SPHKAP: variants seen among roughly 807,000 people sequenced by gnomAD.
SPHKAP encodes the protein A-kinase anchor protein SPHKAP.
A neutral mutation model predicts 137.5 loss-of-function variants in SPHKAP; 67 were observed. The ratio of observed to expected loss-of-function variants is 0.49; its 90% CI spans 0.40 to 0.60. SPHKAP has a LOEUF of 0.60. SPHKAP is among the 20% of genes least tolerant of loss of function. The pLI is 0.00. For synonymous variants in SPHKAP, 813 were observed against 785.3 expected (o/e 1.04, Z -0.59); for missense variants, 2,097 against 2,069.3 (o/e 1.01, Z -0.26).
chr2:227,993,799 C>T (rs1046058524), intron 8 of SPHKAP, among the ~76,000 whole-genome samples, 179 bp from the exon 9 acceptor site: 2 of 152,082 alleles, frequency 1.3e-5, no homozygotes, highest in Admixed American at 1.3e-4. Flanking sequence ...CATAATGAGA[C>T]ATAGGCCTAA....
chr2:228,107,995 T>C (rs374659710), intron 3 of SPHKAP, among the ~76,000 whole-genome samples: 2 of 152,216 alleles, frequency 1.3e-5, no homozygotes, highest in African/African-American at 4.8e-5. Context: ...CTGCTCATTA[T>C]ATATAAAAAG....
intron 1 of SPHKAP, among the ~76,000 whole-genome samples, chr2:228,162,626 T>G (rs1366023681): frequency 1.3e-5 from 2 of 152,324 alleles, no homozygotes. Flanking sequence ...AATCTGACTT[T>G]GAGAGGTAAC....
rs535747014 is a variant in SPHKAP, at chr2:228,001,745, GTGTGTGATGT to G, written c.4449-6061_4449-6052del. Among the ~76,000 whole-genome samples, 363 of 151,844 alleles carry G rather than the reference GTGTGTGATGT, an allele frequency of 2.4e-3. 2 individuals are homozygous for G. The highest frequency in any genetic ancestry group is 3.7e-3 in the Non-Finnish European group (251 of 67,962). ...TCCCCGCAGCCCACAACAGGCCCTGGTGTGTGATGTTCCCCTTCCTGTGTCCATGTGTTCT... is the reference window on the plus strand; with the variant it reads ...TCCCCGCAGCCCACAACAGGCCCTGGTCCCCTTCCTGTGTCCATGTGTTCT... On this transcript the variant is annotated intron_variant, in intron 7 of 11. Transcript: ENST00000392056.
intron 11 of SPHKAP, among the ~76,000 whole-genome samples, chr2:227,984,800 T>C (rs1693154253): frequency 6.6e-6 from 1 of 152,160 alleles, no homozygotes; most frequent in African/African-American, 2.4e-5. Flanking sequence ...AGGTTGTTGA[T>C]TTGTTTCTCG....
intron 3 of SPHKAP, among the ~76,000 whole-genome samples, chr2:228,072,405 TGAG>T (rs1435413059): frequency 7.2e-5 from 11 of 152,162 alleles, no homozygotes; most frequent in African/African-American, 2.7e-4. Context: ...CCCGAGAAGA[TGAG>T]TTTTATTCAT....
intron 1 of SPHKAP, among the ~76,000 whole-genome samples, chr2:228,156,359 C>T (rs1181321266): frequency 6.6e-6 from 1 of 152,056 alleles, no homozygotes; most frequent in African/African-American, 2.4e-5. Context: ...GTTATATGTC[C>T]CGGGCCTTCT....
rs1358837448 is a variant in SPHKAP, at chr2:227,991,053, G to T, written c.4906C>A (p.Leu1636Met). The change falls in exon 11 of 12, where the codon CTG (leucine) becomes ATG (methionine). Residue 1636 changes from leucine to methionine, a missense_variant. Transcript: ENST00000392056. ...ATLQWIAASE[L>M]GIPTIYFKKS... ...TTAAAGTAGATGGTGGGAATCCCCA[G>T]TTCAGAGGCAGCTATCCACTGCAGA... 2 of 1,614,178 alleles carry T rather than the reference G, an allele frequency of 1.2e-6. No individual in the cohort carries two copies. The highest frequency in any genetic ancestry group is 1.7e-6 in the Non-Finnish European group (2 of 1,180,020).
chr2:228,080,256 A>C (rs1697320258), intron 3 of SPHKAP, among the ~76,000 whole-genome samples: 1 of 152,206 alleles, frequency 6.6e-6, no homozygotes, highest in Non-Finnish European at 1.5e-5. Context: ...AAATATATAA[A>C]GAACTCAAAC....
chr2:228,008,910 A>G (rs1694250081), intron 7 of SPHKAP, among the ~76,000 whole-genome samples: 1 of 152,090 alleles, frequency 6.6e-6, no homozygotes, highest in African/African-American at 2.4e-5. Context: ...GGTAGTCTCA[A>G]TCCTCTAACT....
At chr2:228,016,270 T>C (rs1334304604) in intron 7 of SPHKAP, 136 bp downstream of exon 7, 16 of 200,368 alleles carry the variant, frequency 8.0e-5, no homozygotes, top group East Asian at 1.7e-4. Context: ...CATTAACTCA[T>C]TTTTTTTTTT....
At chr2:227,997,698 C>G (rs552268420) in intron 7 of SPHKAP, among the ~76,000 whole-genome samples, 1 of 152,312 alleles carries the variant, frequency 6.6e-6, no homozygotes, top group African/African-American at 2.4e-5. Context: ...CTGGAGCTCT[C>G]TCCCTTGAAT....
At chr2:228,070,118 T>C (rs952879386) in intron 3 of SPHKAP, among the ~76,000 whole-genome samples, 1 of 152,192 alleles carries the variant, frequency 6.6e-6, no homozygotes, top group Non-Finnish European at 1.5e-5. Context: ...AATCCACATA[T>C]AACTTTTGAC....
At chr2:228,125,498 G>C (rs890568400) in intron 2 of SPHKAP, among the ~76,000 whole-genome samples, 2 of 152,144 alleles carry the variant, frequency 1.3e-5, no homozygotes, top group African/African-American at 4.8e-5. Flanking sequence ...ACTAACCTTA[G>C]AGAATCTGAG....
intron 1 of SPHKAP, among the ~76,000 whole-genome samples, chr2:228,152,898 C>T (rs1048838593): frequency 2.6e-5 from 4 of 152,126 alleles, no homozygotes; most frequent in Non-Finnish European, 4.4e-5. Context: ...TTGTAGCTCC[C>T]ATAATTCCCA....
chr2:228,131,998 G>A lies in SPHKAP; in HGVS notation c.120C>T (p.Ser40=), dbSNP rs1479167163. 6.2e-7 allele frequency: 1 copy of A among 1,613,998 alleles called. No individual in the cohort carries two copies. Among genetic ancestry groups the A allele is most frequent in the East Asian group, 2.2e-5 (1 of 44,878 alleles). The part of the protein sequence containing the change: ...CGSSGSGPGN[S]ITACKKVLRS... ...AGGTTACCTTCTTACAGGCTGTGATGGAGTTCCCCGGGCCGCTTCCTGAGC... is the reference window on the plus strand; with the variant it reads ...AGGTTACCTTCTTACAGGCTGTGATAGAGTTCCCCGGGCCGCTTCCTGAGC... The change falls in exon 2 of 12, where the codon TCC becomes TCT. Residue 40 remains serine, a synonymous_variant. Coordinates refer to ENST00000392056, the MANE Select transcript of SPHKAP (RefSeq NM_001142644.2).
At chr2:228,150,157 A>G (rs1392070350) in intron 1 of SPHKAP, among the ~76,000 whole-genome samples, 3 of 152,212 alleles carry the variant, frequency 2.0e-5, no homozygotes, top group Non-Finnish European at 2.9e-5. Context: ...CCAGGCTTGA[A>G]TTCCTGAGAT....
intron 3 of SPHKAP, among the ~76,000 whole-genome samples, chr2:228,089,302 G>A (rs933609094): frequency 2.6e-5 from 4 of 152,238 alleles, no homozygotes; most frequent in South Asian, 2.1e-4. Flanking sequence ...GAACTTAAGA[G>A]TGATGATGTA....
chr2:228,126,147 C>T (rs1413645190), intron 2 of SPHKAP, among the ~76,000 whole-genome samples: 1 of 152,112 alleles, frequency 6.6e-6, no homozygotes, highest in Non-Finnish European at 1.5e-5. Context: ...AAATATAATT[C>T]AAGGGATTCT....
chr2:228,150,030 G>C (rs1699884965), intron 1 of SPHKAP, among the ~76,000 whole-genome samples: 2 of 152,074 alleles, frequency 1.3e-5, no homozygotes, highest in African/African-American at 2.4e-5. Flanking sequence ...CTTGCTACAG[G>C]TTTCTGTAGA....
Sources: gnomAD v4.1 joint callset for allele counts (sites outside exome capture counted in the v4.1 genomes callset) on GRCh38, gnomAD v4.1.1 for gene constraint, MANE v1.5 for transcripts, NCBI Gene and HGNC (gene_info 2026-07-23, HGNC 2026-07-21) for gene names.